SLC8A1: variants seen among roughly 807,000 people sequenced by gnomAD.
The protein encoded by SLC8A1 is sodium/calcium exchanger 1.
A neutral mutation model predicts 68.3 loss-of-function variants in SLC8A1; 18 were observed. The ratio of observed to expected loss-of-function variants is 0.26; its 90% CI spans 0.18 to 0.39. The LOEUF is 0.39. Among genes scored for constraint, SLC8A1 ranks in the 10% least tolerant of loss-of-function variants. The probability of loss-of-function intolerance (pLI) is 1.00; values close to 1 mark genes in which losing one functional copy is unlikely to be tolerated. For missense variants in SLC8A1, 985 were observed against 1,156.7 expected, an observed-to-expected ratio of 0.85 and a Z score of 2.15; for synonymous variants, 475 against 415.5, an observed-to-expected ratio of 1.14 and a Z score of -1.74.
At chr2:40,259,611 G>A (rs1007699511) in intron 2 of SLC8A1, among the ~76,000 whole-genome samples, 3 of 152,116 alleles carry the variant, frequency 2.0e-5, no homozygotes, top group African/African-American at 7.2e-5. Context: ...AGGACTACAA[G>A]CATGTGCCAC....
intron 2 of SLC8A1, among the ~76,000 whole-genome samples, chr2:40,320,418 A>C (rs1193536013): frequency 2.0e-5 from 3 of 152,078 alleles, no homozygotes; most frequent in Non-Finnish European, 2.9e-5. Flanking sequence ...TAGCTGATGG[A>C]CTTCTGAAAA....
exon 2 of SLC8A1, chr2:40,429,231 G>C: frequency 1.2e-6 from 2 of 1,613,862 alleles, no homozygotes; most frequent in South Asian, 1.1e-5. Flanking sequence ...GGACTTGGTA[G>C]TTAGCTAATT....
exon 8 of SLC8A1, chr2:40,108,819 G>C (rs1163827407): frequency 6.6e-6 from 1 of 152,088 alleles, no homozygotes; most frequent in Non-Finnish European, 1.5e-5. Context: ...TCAAGTATGT[G>C]ATCTTCACAT....
chr2:40,126,848 A>G (rs1358885709), intron 7 of SLC8A1, among the ~76,000 whole-genome samples: 1 of 152,168 alleles, frequency 6.6e-6, no homozygotes, highest in Admixed American at 6.5e-5. Context: ...ACGGGAGTAG[A>G]CATATCATCT....
intron 2 of SLC8A1, among the ~76,000 whole-genome samples, chr2:40,416,772 T>G (rs542537288): frequency 6.6e-6 from 1 of 152,196 alleles, no homozygotes; most frequent in East Asian, 2.0e-4. Flanking sequence ...CATTCCATTC[T>G]GTCTCCTGGA....
chr2:40,435,589 C>A (rs576240791), intron 1 of SLC8A1, among the ~76,000 whole-genome samples: 38 of 152,208 alleles, frequency 2.5e-4, no homozygotes, highest in African/African-American at 8.7e-4. Context: ...AAGTCAGGCC[C>A]CTGCCTTATG....
intron 1 of SLC8A1, among the ~76,000 whole-genome samples, chr2:40,449,308 C>G (rs987659495): frequency 6.6e-6 from 1 of 152,104 alleles, no homozygotes; most frequent in East Asian, 1.9e-4. Flanking sequence ...ATCTGCACAG[C>G]TTTTCTCATC....
rs561309728 is a variant in SLC8A1 at position 40,463,958 on chromosome 2, G to T, written c.-24-33654C>A. On this transcript the variant is annotated intron_variant, in intron 1 of 7. Transcript: ENST00000402441. ...TTCCCAGGCTAGAATGAAGTGACGT[G>T]ATATTGGCTCACTGCAACCTCCACC... Among the ~76,000 whole-genome samples, 5 of 151,866 alleles carry T rather than the reference G, an allele frequency of 3.3e-5. No homozygotes were observed. The South Asian group carries it at 1.0e-3, about 32-fold the overall frequency.
chr2:40,106,418 A>C (rs1432238162), exon 8 of SLC8A1: 1 of 152,312 alleles, frequency 6.6e-6, no homozygotes, highest in East Asian at 1.9e-4. Flanking sequence ...AGACTCATTT[A>C]ACAACCAGTT....
At chr2:40,283,247 A>G (rs755788666) in intron 2 of SLC8A1, among the ~76,000 whole-genome samples, 5 of 152,218 alleles carry the variant, frequency 3.3e-5, no homozygotes, top group Non-Finnish European at 5.9e-5. Context: ...AGTGTTTCCA[A>G]TGATTTCATG....
chr2:40,289,711 C>CT (rs1424083237), intron 2 of SLC8A1, among the ~76,000 whole-genome samples: 1 of 151,450 alleles, frequency 6.6e-6, no homozygotes, highest in Non-Finnish European at 1.5e-5. Flanking sequence ...ATTAGAGGGG[C>CT]TTGGTGGTGC....
At chr2:40,325,620 T>C (rs2075727671) in intron 2 of SLC8A1, among the ~76,000 whole-genome samples, 2 of 151,746 alleles carry the variant, frequency 1.3e-5, no homozygotes, top group Admixed American at 6.6e-5. Context: ...ATCAATATAA[T>C]AGGTGTTTGA....
intron 2 of SLC8A1, among the ~76,000 whole-genome samples, chr2:40,252,864 GATTCCAATAATATATATTTT>G (rs2063036687): frequency 9.1e-6 from 1 of 110,346 alleles, no homozygotes; most frequent in African/African-American, 4.1e-5. Context: ...ATACACATTT[GATTCCAATAATATATATTTT>G]GAGCCAAATT....
At chr2:40,216,721 T>C (rs528375169) in intron 2 of SLC8A1, among the ~76,000 whole-genome samples, 1 of 152,238 alleles carries the variant, frequency 6.6e-6, no homozygotes, top group South Asian at 2.1e-4. Context: ...GGAATCTCAC[T>C]GTGGTTTTGA....
At chr2:40,381,933 T>C (rs1286886733) in intron 2 of SLC8A1, among the ~76,000 whole-genome samples, 1 of 151,984 alleles carries the variant, frequency 6.6e-6, no homozygotes, top group Non-Finnish European at 1.5e-5. Context: ...TTCCCTGCTC[T>C]ACAAACCCGA....
chr2:40,274,845 TC>T (rs921818188), intron 2 of SLC8A1, among the ~76,000 whole-genome samples: 3 of 152,196 alleles, frequency 2.0e-5, no homozygotes, highest in Non-Finnish European at 4.4e-5. Flanking sequence ...AAGGTCTCTC[TC>T]TGTAAATGGA....
At chr2:40,318,782 G>C (rs938465614) in intron 2 of SLC8A1, among the ~76,000 whole-genome samples, 8 of 152,060 alleles carry the variant, frequency 5.3e-5, no homozygotes, top group African/African-American at 7.2e-5. Context: ...GTTACACAAG[G>C]CTCTATCAGA....
At chr2:40,339,341 G>A (rs1047828801) in intron 2 of SLC8A1, among the ~76,000 whole-genome samples, 7 of 152,118 alleles carry the variant, frequency 4.6e-5, no homozygotes, top group Non-Finnish European at 1.0e-4. Flanking sequence ...TCTAGATAGC[G>A]GCAGGAGGAA....
chr2:40,189,390 G>A (rs544148432), intron 2 of SLC8A1, among the ~76,000 whole-genome samples: 2 of 152,186 alleles, frequency 1.3e-5, no homozygotes, highest in South Asian at 2.1e-4. Flanking sequence ...GTGCAATCTC[G>A]GCTCACTGTA....
Sources: gnomAD v4.1 joint callset for allele counts (sites outside exome capture counted in the v4.1 genomes callset) on GRCh38, gnomAD v4.1.1 for gene constraint, MANE v1.5 for transcripts, NCBI Gene and HGNC (gene_info 2026-07-23, HGNC 2026-07-21) for gene names.